Variants in ROBO2 observed in about 807,000 individuals in gnomAD.
The protein encoded by ROBO2 is roundabout homolog 2.
ROBO2 carries 53 observed loss-of-function variants against 160.8 expected under a neutral mutation model. The observed-to-expected ratio is 0.33, with a 90% CI of 0.26 to 0.41. ROBO2 has a LOEUF of 0.41. ROBO2 is among the 10% of genes least tolerant of loss of function. The pLI is 1.00. For missense variants in ROBO2, 1,577 were observed against 1,722.4 expected, an observed-to-expected ratio of 0.92 and a Z score of 1.49; for synonymous variants, 664 against 611.7, an observed-to-expected ratio of 1.09 and a Z score of -1.26.
At chr3:77,070,006 G>T (rs149123546) in intron 1 of ROBO2, among the ~76,000 whole-genome samples, 1 of 152,168 alleles carries the variant, frequency 6.6e-6, no homozygotes. Context: ...CAATACGACT[G>T]GTGTCCTTAT....
At chr3:76,048,536 A>G (rs942911617) in intron 2 of ROBO2, among the ~76,000 whole-genome samples, 2 of 152,210 alleles carry the variant, frequency 1.3e-5, no homozygotes, top group African/African-American at 4.8e-5. Flanking sequence ...GTTTTTGATC[A>G]TATGAATGAT....
upstream of ROBO2, among the ~76,000 whole-genome samples, chr3:77,038,503 G>A (rs1022944216): frequency 2.6e-5 from 4 of 152,048 alleles, no homozygotes; most frequent in South Asian, 2.1e-4. Context: ...GCACCAAAAC[G>A]TATCCACCAA....
intron 2 of ROBO2, among the ~76,000 whole-genome samples, chr3:76,478,177 C>G (rs2079030172): frequency 8.5e-6 from 1 of 117,230 alleles, no homozygotes. Context: ...TCCCTCCCCC[C>G]TCCCCCCCAC....
chr3:76,557,778 C>T (rs1342852762), intron 2 of ROBO2, among the ~76,000 whole-genome samples: 1 of 151,482 alleles, frequency 6.6e-6, no homozygotes, highest in Non-Finnish European at 1.5e-5. Context: ...GTTCCCCTTC[C>T]GTCACTTGAA....
rs1467347481 is a variant in ROBO2, at chr3:76,217,353, C to CA, written c.109+279757dup. ...GGAAATAGAGACACAAAAAACCTTT[C>CA]AAAAAATCAATGAATCCAGGAGCTG... On this transcript the variant is annotated intron_variant, in intron 2 of 26. Transcript: ENST00000487694. Among the ~76,000 whole-genome samples the CA allele has an allele frequency of 2.6e-5, 4 of 152,106 alleles. No homozygotes were observed. In the East Asian group the frequency reaches 5.8e-4, roughly 22 times the overall value.
chr3:76,823,360 A>G (rs577524040), intron 2 of ROBO2, among the ~76,000 whole-genome samples: 97 of 152,308 alleles, frequency 6.4e-4, no homozygotes, highest in African/African-American at 2.2e-3. Flanking sequence ...TTCTTTGTTT[A>G]GAGAACCTGG....
At chr3:76,198,140 A>G (rs1702348895) in intron 2 of ROBO2, among the ~76,000 whole-genome samples, 1 of 152,044 alleles carries the variant, frequency 6.6e-6, no homozygotes, top group African/African-American at 2.4e-5. Context: ...GACATACCTC[A>G]TCACACCCTC....
At chr3:76,624,001 G>A (rs1343159032) in intron 2 of ROBO2, among the ~76,000 whole-genome samples, 1 of 151,736 alleles carries the variant, frequency 6.6e-6, no homozygotes, top group Non-Finnish European at 1.5e-5. Flanking sequence ...GTACACCCAG[G>A]ACTGTGTAAT....
At chr3:77,222,206 G>A (rs1334898398) in intron 2 of ROBO2, among the ~76,000 whole-genome samples, 2 of 152,028 alleles carry the variant, frequency 1.3e-5, no homozygotes, top group Admixed American at 6.6e-5. Flanking sequence ...AGCACTAGGT[G>A]GAAAAGAGAT....
intron 23 of ROBO2, chr3:77,633,675 A>G (rs899660485): frequency 3.3e-5 from 5 of 152,228 alleles, no homozygotes; most frequent in Admixed American, 2.6e-4. Context: ...TCTTTTAAGC[A>G]TACATTAGCT....
rs1553973682 is a variant in ROBO2 at position 77,474,691 on chromosome 3, C to CACACACACAT, written c.389-2723_389-2722insACACACACAT. On this transcript the variant is annotated intron_variant, in intron 2 of 25. Coordinates refer to ENST00000461745, the Ensembl canonical transcript of ROBO2. ...ACACACACACACACACACACACACA[C>CACACACACAT]TCAATTTAGAATTTAAAATTGCTTT... 5.9e-3 allele frequency among the ~76,000 whole-genome samples: 889 copies of CACACACACAT among 150,842 alleles called. 4 individuals carry two copies. The highest frequency in any genetic ancestry group is 0.021 in the Middle Eastern group (6 of 292).
chr3:77,614,961 G>A (rs758630311), intron 21 of ROBO2, among the ~76,000 whole-genome samples: 4 of 151,980 alleles, frequency 2.6e-5, no homozygotes, highest in African/African-American at 4.8e-5. Flanking sequence ...CTCTTCCTCC[G>A]GGCTTCCACA....
intron 22 of ROBO2, among the ~76,000 whole-genome samples, chr3:77,620,692 A>G (rs2153705005): frequency 6.6e-6 from 1 of 152,324 alleles, no homozygotes; most frequent in East Asian, 1.9e-4. Flanking sequence ...TGAAACATCT[A>G]GAATCCTGTT....
chr3:76,832,098 G>T (rs1035845972), intron 2 of ROBO2, among the ~76,000 whole-genome samples: 3 of 152,110 alleles, frequency 2.0e-5, no homozygotes, highest in Non-Finnish European at 4.4e-5. Context: ...CTACCAATAA[G>T]ATTAATTGAT....
chr3:76,071,405 CA>C (rs2068448645), intron 2 of ROBO2, among the ~76,000 whole-genome samples: 1 of 152,162 alleles, frequency 6.6e-6, no homozygotes, highest in Admixed American at 6.5e-5. Flanking sequence ...ATTATCTCAT[CA>C]GTAACTATCT....
At chr3:77,371,383 G>GTTCTCCTGCCTCCCTTCTCCC (rs2071729545) in intron 2 of ROBO2, among the ~76,000 whole-genome samples, 1 of 151,916 alleles carries the variant, frequency 6.6e-6, no homozygotes, top group Non-Finnish European at 1.5e-5. Flanking sequence ...TCTCTTCTCC[G>GTTCTCCTGCCTCCCTTCTCCC]TTCTCCTGCC....
intron 23 of ROBO2, chr3:77,629,676 A>G (rs1246933234): frequency 6.6e-6 from 1 of 152,222 alleles, no homozygotes; most frequent in East Asian, 1.9e-4. Flanking sequence ...TACTATTTAT[A>G]TAGTGTCATC....
At chr3:77,205,103 C>G (rs1199837911) in intron 2 of ROBO2, among the ~76,000 whole-genome samples, 2 of 152,094 alleles carry the variant, frequency 1.3e-5, no homozygotes, top group African/African-American at 4.8e-5. Context: ...GCCTTTCTGT[C>G]CGCAGACAGC....
intron 2 of ROBO2, among the ~76,000 whole-genome samples, chr3:76,912,141 G>C (rs2076031080): frequency 6.6e-6 from 1 of 152,098 alleles, no homozygotes; most frequent in Non-Finnish European, 1.5e-5. Context: ...CTAGTTTTGT[G>C]ATCCCGAGCA....
Sources: gnomAD v4.1 joint callset for allele counts (sites outside exome capture counted in the v4.1 genomes callset) on GRCh38, gnomAD v4.1.1 for gene constraint, MANE v1.5 for transcripts, NCBI Gene and HGNC (gene_info 2026-07-23, HGNC 2026-07-21) for gene names.